PBRM1: variants seen among roughly 807,000 people sequenced by gnomAD.
The protein encoded by PBRM1 is polybromo 1, also known as protein polybromo-1.
Under a neutral mutation model 194.5 loss-of-function variants are expected in PBRM1, and 27 were observed. The ratio of observed to expected loss-of-function variants is 0.14; its 90% CI spans 0.10 to 0.19. The LOEUF (loss-of-function observed/expected upper bound fraction) is 0.19, where lower values mean the gene tolerates loss of function less well. Ranked by LOEUF, PBRM1 falls within the 10% of genes least tolerant of loss-of-function variation. The pLI is 1.00. For missense variants in PBRM1, 1,466 were observed against 2,077.2 expected (o/e 0.71, Z 5.72); for synonymous variants, 655 against 693.2 (o/e 0.94, Z 0.87).
At chr3:52,637,794 A>AAAAAAAAAAAAAAAAAAAAAG (rs2095880521) in intron 10 of PBRM1, among the ~76,000 whole-genome samples, 1 of 147,886 alleles carries the variant, frequency 6.8e-6, no homozygotes, top group Non-Finnish European at 1.5e-5. Flanking sequence ...AAAAAAAAAA[A>AAAAAAAAAAAAAAAAAAAAAG]AAATTAGCCG....
rs2094500682 is a variant in PBRM1, at chr3:52,609,331, C to T, written c.2549G>A (p.Arg850Gln). The stretch of plus-strand genomic sequence containing the variant: ...AACATACCGATTCATCCTTCTTGCT[C>T]GTTCCAATACTTCAAACATATGCTC... Residue 850 changes from arginine to glutamine, a missense_variant, in exon 16 of 30, where the codon CGA (arginine) becomes CAA (glutamine). Physicochemically the swap from Arg to Gln is conservative, Grantham distance 43 (BLOSUM62 1). Around this residue, in one of 5 missense-constraint regions of PBRM1, gnomAD observed 687 missense variants for 946.2 expected, o/e 0.73. Coordinates refer to ENST00000296302, the Ensembl canonical transcript of PBRM1. This position sits in a 1 kb window ranked among gnomAD's most constrained non-coding sequence, Gnocchi z 4.1. 2 of 1,612,934 alleles carry T rather than the reference C, an allele frequency of 1.2e-6. No individual in the cohort carries two copies. The highest frequency in any genetic ancestry group is 1.7e-6 in the Non-Finnish European group (2 of 1,179,294).
downstream of PBRM1, chr3:52,546,625 C>T (rs1447038899): frequency 4.3e-6 from 1 of 231,652 alleles, no homozygotes; most frequent in Non-Finnish European, 8.5e-6. Flanking sequence ...AGATTATAAA[C>T]AGCAGTGGAA....
intron 13 of PBRM1, 133 bp from the exon 15 acceptor site, chr3:52,625,074 T>A: frequency 1.5e-6 from 1 of 688,640 alleles, no homozygotes; most frequent in Non-Finnish European, 2.6e-6. Context: ...ATTTGAAACA[T>A]TTCAACAAGG....
intron 17 of PBRM1, among the ~76,000 whole-genome samples, chr3:52,591,511 GTTTTTTTTTTTTT>G (rs57736913): frequency 1.1e-3 from 82 of 71,856 alleles, no homozygotes; most frequent in South Asian, 3.2e-3. Context: ...TTTTGTCTTT[GTTTTTTTTTTTTT>G]TTTTTTTTTT....
At chr3:52,581,513 AAAAG>A (rs2091185873) in intron 20 of PBRM1, among the ~76,000 whole-genome samples, 1 of 152,120 alleles carries the variant, frequency 6.6e-6, no homozygotes, top group African/African-American at 2.4e-5. Context: ...AAAAAAAAAA[AAAAG>A]AATCAGAGAG....
chr3:52,562,243 CG>C (rs2083756893), intron 24 of PBRM1, among the ~76,000 whole-genome samples: 3 of 150,984 alleles, frequency 2.0e-5, no homozygotes, highest in Non-Finnish European at 2.9e-5. Context: ...AGGAGAATGG[CG>C]TGAACCCGGG....
chr3:52,645,766 GA>G (rs1331726984), intron 7 of PBRM1, among the ~76,000 whole-genome samples: 5 of 152,132 alleles, frequency 3.3e-5, no homozygotes, highest in Admixed American at 6.6e-5. Flanking sequence ...TGTCCCAGGT[GA>G]GACCAGATAG....
intron 2 of PBRM1, among the ~76,000 whole-genome samples, chr3:52,674,988 G>C (rs1187691679): frequency 6.6e-6 from 1 of 151,796 alleles, no homozygotes; most frequent in Non-Finnish European, 1.5e-5. Context: ...AAAGGAGGAG[G>C]GAGGGAGGGA....
At chr3:52,670,378 G>A (rs2096921909) in intron 2 of PBRM1, among the ~76,000 whole-genome samples, 1 of 152,130 alleles carries the variant, frequency 6.6e-6, no homozygotes, top group Non-Finnish European at 1.5e-5. Context: ...TCAAAAGTAA[G>A]AATCATCCTT....
intron 14 of PBRM1, among the ~76,000 whole-genome samples, chr3:52,616,742 A>G (rs2094977133): frequency 6.6e-6 from 1 of 152,256 alleles, no homozygotes; most frequent in Admixed American, 6.5e-5. Flanking sequence ...TAAATTATTT[A>G]GAGGTACATT....
chr3:52,575,251 C>CA (rs398071821), intron 22 of PBRM1, among the ~76,000 whole-genome samples: 7 of 151,480 alleles, frequency 4.6e-5, no homozygotes. Context: ...AACAAACAAA[C>CA]GTTTAGAAGA....
chr3:52,646,686 G>A (rs1486354426), intron 7 of PBRM1, among the ~76,000 whole-genome samples: 3 of 151,934 alleles, frequency 2.0e-5, no homozygotes, highest in East Asian at 1.9e-4. Context: ...TATAGTGCTG[G>A]GATAATATCT....
At chr3:52,587,157 T>C (rs747275853) in intron 19 of PBRM1, among the ~76,000 whole-genome samples, 196 bp downstream of exon 21, 6 of 152,190 alleles carry the variant, frequency 3.9e-5, no homozygotes, top group Non-Finnish European at 7.3e-5. Flanking sequence ...AGCCAAATAG[T>C]GTAAGCAGCA....
intron 5 of PBRM1, among the ~76,000 whole-genome samples, chr3:52,657,096 T>C (rs12486847): frequency 0.33 from 50,595 of 152,060 alleles, 9,540 homozygotes; most frequent in Admixed American, 0.46. Flanking sequence ...CCTAGAATAG[T>C]CAAATTCATA....
At chr3:52,567,765 G>C (rs1372375662) in intron 22 of PBRM1, among the ~76,000 whole-genome samples, 2 of 149,586 alleles carry the variant, frequency 1.3e-5, no homozygotes, top group Non-Finnish European at 3.0e-5. Flanking sequence ...CCGAGTAGCT[G>C]GGATTACAGG....
intron 7 of PBRM1, among the ~76,000 whole-genome samples, chr3:52,646,262 C>G (rs2096286549): frequency 6.6e-6 from 1 of 152,156 alleles, no homozygotes; most frequent in Admixed American, 6.6e-5. Context: ...TTTGAGTCAG[C>G]ATTCAGAAAA....
intron 20 of PBRM1, among the ~76,000 whole-genome samples, chr3:52,579,614 AAAACAAACAAAC>A (rs145752174): frequency 0.072 from 11,003 of 152,046 alleles, 946 homozygotes; most frequent in African/African-American, 0.21. Flanking sequence ...AAAGTAAATT[AAAACAAACAAAC>A]AAAAAAACAT....
chr3:52,571,935 G>A (rs1051836877), intron 22 of PBRM1, among the ~76,000 whole-genome samples: 11 of 150,098 alleles, frequency 7.3e-5, no homozygotes, highest in African/African-American at 2.7e-4. Flanking sequence ...CTTCTTGGAA[G>A]GCTGAGATGG....
intron 25 of PBRM1, 64 bp downstream of exon 27, chr3:52,561,703 G>C: frequency 2.2e-6 from 3 of 1,366,610 alleles, no homozygotes; most frequent in African/African-American, 1.4e-5. Context: ...AAACCTGTCT[G>C]TGCGCGTGCA....
Sources: gnomAD v4.1 joint callset for allele counts (sites outside exome capture counted in the v4.1 genomes callset) on GRCh38, gnomAD v4.1.1 for gene constraint, gnomAD v4.1.1 regional missense constraint, Gnocchi (gnomAD v3.1) non-coding constraint, MANE v1.5 for transcripts, NCBI Gene and HGNC (gene_info 2026-07-23, HGNC 2026-07-21) for gene names.